The following MAPK12 variants were observed in gnomAD, a reference collection of about 807,000 sequenced individuals.
MAPK12 encodes the protein MAP kinase 12.
MAPK12 carries 49 observed loss-of-function variants against 49.1 expected under a neutral mutation model. The observed-to-expected ratio is 1.00, with a 90% CI of 0.79 to 1.27. MAPK12 has a LOEUF of 1.27. MAPK12 is among the 50% of genes most tolerant of loss of function. MAPK12 has a pLI of 0.00. For synonymous variants in MAPK12, 251 were observed against 209.7 expected (o/e 1.20, Z -1.70); for missense variants, 554 against 502.4 (o/e 1.10, Z -0.98).
Position 50,253,491 on chromosome 22 carries a change from T to TG in MAPK12, c.1025-12dup, listed in dbSNP as rs776558109. ...CTTTGTAAGTAACACCTGGCGGGGG[T>TG]GGGGGGGCGGGCACAACAGAGAGGG... On this transcript the variant is annotated splice_polypyrimidine_tract_variant and intron_variant, in intron 11 of 11. Coordinates refer to ENST00000215659, the MANE Select transcript of MAPK12 (RefSeq NM_002969.6). 223 of 104,030 alleles carry TG rather than the reference T, an allele frequency of 2.1e-3. No individual in the cohort carries two copies. Among genetic ancestry groups the TG allele is most frequent in the Middle Eastern group, 4.4e-3 (2 of 450 alleles). The allele number at this position is 104,030 out of a possible 1,614,324, so 6.4% of individuals were successfully genotyped here.
rs552533135 is a variant in MAPK12, at chr22:50,253,182, C to T, written c.*219G>A. 28 of 586,058 alleles carry T rather than the reference C, an allele frequency of 4.8e-5. No individual in the cohort carries two copies. The highest frequency in any genetic ancestry group is 3.2e-4 in the South Asian group (17 of 52,348). 36.3% of individuals were successfully genotyped at this position (586,058 alleles called of 1,614,324 possible). On this transcript the variant is annotated 3_prime_UTR_variant, in exon 12 of 12. Transcript: ENST00000215659. The stretch of plus-strand genomic sequence containing the variant: ...CAGGGATCAGAGGCCATCCCCAGGT[C>T]GGCCAGAGGTCTTGTCCAGAAAGTT...
At position 50,260,970 on chromosome 22, in the gene MAPK12, G is replaced by A. The variant is rs183420433; in HGVS notation, c.255+197C>T. The A allele has an allele frequency of 5.4e-6, 3 of 554,596 alleles. No individual in the cohort carries two copies. The East Asian group carries it at 1.2e-4, about 22-fold the overall frequency. 34.4% of individuals were successfully genotyped at this position (554,596 alleles called of 1,614,324 possible). Reference sequence around the variant, plus strand: ...TCCTTCCCGGGGCTGGCGGAGGATGGGGAACGGCCCTTGGGGGAGTCGTCT... The same window carrying A: ...TCCTTCCCGGGGCTGGCGGAGGATGAGGAACGGCCCTTGGGGGAGTCGTCT... On this transcript the variant is annotated intron_variant, in intron 2 of 11. Transcript: ENST00000215659.
In MAPK12 at chr22:50,261,582, G is replaced by C. The variant is rs1171391176; in HGVS notation, c.-73C>G. The C allele has an allele frequency of 2.3e-5, 23 of 1,020,588 alleles. No individual in the cohort carries two copies. The highest frequency in any genetic ancestry group is 2.6e-5 in the Non-Finnish European group (22 of 854,642). 63.2% of individuals were successfully genotyped at this position (1,020,588 alleles called of 1,614,324 possible). On this transcript the variant is annotated 5_prime_UTR_variant, in exon 1 of 12. Transcript: ENST00000215659. ...CCACGACCGGGGACGGGGCTCCCTC[G>C]GCGCGCGCCTCGGGCCGGCTCCGCG...
intron 5 of MAPK12, 96 bp from the exon 6 acceptor site, chr22:50,256,742 C>T (rs1275150520): frequency 6.5e-7 from 1 of 1,531,300 alleles, no homozygotes; most frequent in Non-Finnish European, 8.8e-7. Flanking sequence ...GCCACCGGAC[C>T]TGGCCCCCTT....
At position 50,261,205 on chromosome 22, in the gene MAPK12, G is replaced by T; in HGVS notation, c.217C>A (p.Arg73Ser). ...ATGTGCTTGAGCAGGCGCAGCTCGC[G>T]GTAGGCGCGCTTGGCGAACAGCTCG... ...QSELFAKRAY[R>S]ELRLLKHMRH... The change falls in exon 2 of 12, where the codon CGC becomes AGC. Residue 73 changes from arginine (R) to serine (S), a missense_variant. Physicochemically the swap from Arg to Ser is moderately radical, Grantham distance 110. Transcript: ENST00000215659. 6.3e-7 allele frequency: 1 copy of T among 1,592,108 alleles called. No homozygotes were observed.
intron 2 of MAPK12, among the ~76,000 whole-genome samples, chr22:50,260,251 G>A (rs2065197509): frequency 6.6e-6 from 1 of 151,090 alleles, no homozygotes; most frequent in African/African-American, 2.4e-5. Flanking sequence ...GGTGGACGGG[G>A]CACTTTGCTG....
intron 3 of MAPK12, chr22:50,257,807 G>T (rs2065165478): frequency 2.8e-6 from 2 of 715,402 alleles, no homozygotes; most frequent in Non-Finnish European, 5.2e-6. Flanking sequence ...CCGACAGGGT[G>T]TGAGTCCCAG....
intron 3 of MAPK12, 200 bp downstream of exon 3, chr22:50,258,043 G>A: frequency 9.7e-6 from 7 of 724,626 alleles, no homozygotes; most frequent in Admixed American, 5.9e-5. Flanking sequence ...GCTCTGCCCA[G>A]CTGTGCCAGT....
At position 50,255,675 on chromosome 22, in the gene MAPK12, C is replaced by A. The variant is rs1286073530; in HGVS notation, c.711G>T (p.Glu237Asp). 6.3e-7 allele frequency: 1 copy of A among 1,584,272 alleles called. No homozygotes were observed. Among genetic ancestry groups the A allele is most frequent in the Non-Finnish European group, 8.6e-7 (1 of 1,163,358 alleles). The change falls in exon 9 of 12, where the codon GAG becomes GAT. Residue 237 changes from glutamate (E) to aspartate (D), a missense_variant. By Grantham distance (45) the Glu-to-Asp change is conservative. Coordinates refer to ENST00000215659, the MANE Select transcript of MAPK12 (RefSeq NM_002969.6). ...GAGGCGTCCCCGTCACCTTCATGAT[C>A]TCCTTCAGCTGGTCCAGGTCTGCAC... ...KGSDHLDQLK[E>D]IMKVTGTPPA...
intron 3 of MAPK12, chr22:50,257,755 T>C: frequency 1.5e-6 from 1 of 675,246 alleles, no homozygotes; most frequent in Non-Finnish European, 2.7e-6. Flanking sequence ...AGGCGCCTGC[T>C]ACCCTCTCCA....
In MAPK12 at chr22:50,256,945, A is replaced by G; in HGVS notation, c.446T>C (p.Ile149Thr). The change falls in exon 5 of 12, where the codon ATC becomes ACC. Residue 149 changes from isoleucine (I) to threonine (T), a missense_variant. Ile to Thr is a moderately conservative substitution (Grantham distance 89). Transcript: ENST00000215659. ...KGLRYIHAAG[I>T]IHRDLKPGNL... ...TCCACCGGGACTCACTCTGTGGATG[A>G]TGCCGGCAGCGTGGATATACTGCGG... 1.2e-6 allele frequency: 2 copies of G among 1,606,250 alleles called. No homozygotes were observed. The highest frequency in any genetic ancestry group is 1.7e-6 in the Non-Finnish European group (2 of 1,178,138).
rs758531977 is a variant in MAPK12 at position 50,256,087 on chromosome 22, G to A, written c.617C>T (p.Thr206Met). 23 of 1,611,290 alleles carry A rather than the reference G, an allele frequency of 1.4e-5. No homozygotes were observed. Among genetic ancestry groups the A allele is most frequent in the Middle Eastern group, 1.6e-4 (1 of 6,068 alleles). ...CAGATCTCTGGGCAGCTTCTCACCC[G>A]TCTGCGTGTAGCGCATCCAATTCAA... is the stretch of plus-strand genomic sequence containing the variant. ...VILNWMRYTQ[T>M]VDIWSVGCIM... Residue 206 changes from threonine (T) to methionine (M), a missense_variant and splice_region_variant, in exon 7 of 12, where the codon ACG becomes ATG. Coordinates refer to ENST00000215659, the MANE Select transcript of MAPK12 (RefSeq NM_002969.6).
At chr22:50,258,373 C>T in intron 2 of MAPK12, 72 bp from the exon 3 acceptor site, 1 of 1,324,536 alleles carries the variant, frequency 7.5e-7, no homozygotes, top group African/African-American at 1.4e-5. Flanking sequence ...AGTGGCACAA[C>T]CCTCTGGGCA....
intron 6 of MAPK12, 116 bp downstream of exon 6, chr22:50,256,483 C>A: frequency 7.3e-7 from 1 of 1,363,292 alleles, no homozygotes. Flanking sequence ...AGCTCCTCAG[C>A]CACTGCCCAG....
chr22:50,253,502 G>GGGGGCCGCCCCCCCCCCCCCCC, intron 11 of MAPK12, 22 bp from the exon 12 acceptor site: 1 of 171,686 alleles, frequency 5.8e-6, no homozygotes, highest in Non-Finnish European at 1.1e-5. Flanking sequence ...GGGGGGGCGG[G>GGGGGCCGCCCCCCCCCCCCCCC]CACAACAGAG....
intron 3 of MAPK12, chr22:50,257,740 G>C: frequency 1.5e-6 from 1 of 652,178 alleles, no homozygotes; most frequent in South Asian, 1.7e-5. Context: ...TGCAAGTCAG[G>C]CGGGAGGCGC....
rs768343280 is a variant in MAPK12, at chr22:50,256,214, G to A, written c.505-15C>T. On this transcript the variant is annotated splice_polypyrimidine_tract_variant and intron_variant, in intron 6 of 11. Transcript: ENST00000215659. ...AAGTCCAGGATCTGTGGGAAGAATTGGGGAGGTGGGTTCTAGGGGACTCCC... is the reference window on the plus strand; with the variant it reads ...AAGTCCAGGATCTGTGGGAAGAATTAGGGAGGTGGGTTCTAGGGGACTCCC... 6.3e-5 allele frequency: 100 copies of A among 1,596,680 alleles called. No homozygotes were observed. Among genetic ancestry groups the A allele is most frequent in the Non-Finnish European group, 8.3e-5 (97 of 1,165,878 alleles).
At chr22:50,257,644 T>C (rs979800944) in intron 3 of MAPK12, 4 of 579,910 alleles carry the variant, frequency 6.9e-6, no homozygotes, top group African/African-American at 5.6e-5. Flanking sequence ...GCAAGGCATC[T>C]GGGTCAGAGG....
In MAPK12 at chr22:50,253,772, G is replaced by A. The variant is rs2065122055; in HGVS notation, c.1025-292C>T. 8.1e-6 allele frequency: 4 copies of A among 492,114 alleles called. No individual in the cohort carries two copies. The Admixed American group carries it at 1.1e-4, about 13-fold the overall frequency. The allele number at this position is 492,114 out of a possible 1,614,324, so 30.5% of individuals were successfully genotyped here. ...TGGGGACTACAGAGAGGATCCTATG[G>A]CCCATGGCTTTCAAGTTATCTTTCT... On this transcript the variant is annotated intron_variant, in intron 11 of 11. Transcript: ENST00000215659.
Sources: allele counts gnomAD v4.1 joint callset (sites outside exome capture counted in the v4.1 genomes callset), GRCh38; gene constraint gnomAD v4.1.1; transcripts MANE v1.5; gene names NCBI Gene and HGNC (gene_info 2026-07-23, HGNC 2026-07-21).